The following NUP98 variants were observed in gnomAD, a reference collection of about 807,000 sequenced individuals.
NUP98 encodes nucleoporin 98 and 96 precursor, also known as nuclear pore complex protein Nup98-Nup96.
NUP98 carries 26 observed loss-of-function variants against 191.9 expected under a neutral mutation model. That is an observed-to-expected ratio of 0.14 (90% CI 0.10 to 0.19). The LOEUF (loss-of-function observed/expected upper bound fraction) is 0.19. Among genes scored for constraint, NUP98 ranks in the 10% least tolerant of loss-of-function variants. The probability of loss-of-function intolerance (pLI) is 1.00; values close to 1 mark genes in which losing one functional copy is unlikely to be tolerated. For missense variants in NUP98, 1,941 were observed against 2,178.8 expected, an observed-to-expected ratio of 0.89 and a Z score of 2.17; for synonymous variants, 808 against 778.4, an observed-to-expected ratio of 1.04 and a Z score of -0.63.
At chr11:3,736,218 C>T (rs2080055653) in intron 12 of NUP98, among the ~76,000 whole-genome samples, 1 of 152,144 alleles carries the variant, frequency 6.6e-6, no homozygotes, top group African/African-American at 2.4e-5. Flanking sequence ...AGGAGTCAGC[C>T]ACCATGCCTG....
At chr11:3,744,760 C>T in intron 11 of NUP98, 111 bp from the exon 12 acceptor site, 1 of 1,227,264 alleles carries the variant, frequency 8.1e-7, no homozygotes, top group South Asian at 1.6e-5. Context: ...AGTGACCACT[C>T]ATTTCAACAA....
rs201643505 is a variant in NUP98 at position 3,782,043 on chromosome 11, C to A, written c.75G>T (p.Gln25His). The change falls in exon 2 of 33, where the codon CAG (glutamine) becomes CAT (histidine). Residue 25 changes from glutamine to histidine, a missense_variant and splice_region_variant. By Grantham distance (24) the Gln-to-His change is conservative. This residue lies in a region of NUP98 where 154 missense variants were observed against 182.9 expected (regional missense o/e 0.84). Coordinates refer to ENST00000324932, the MANE Select transcript of NUP98 (RefSeq NM_016320.5). ...CTTTTGTCCTTTTTAAAAACTTACT[C>A]TGTCCAAATGTTGAAGTTGTGCCAA... ...GGFGTTSTFGQNTGFGTTSGG... is the reference protein window; with the variant it reads ...GGFGTTSTFGHNTGFGTTSGG... 3.1e-6 allele frequency: 5 copies of A among 1,609,888 alleles called. No homozygotes were observed. Among genetic ancestry groups the A allele is most frequent in the Non-Finnish European group, 4.2e-6 (5 of 1,177,464 alleles).
chr11:3,753,745 T>A (rs1380033660), intron 10 of NUP98, among the ~76,000 whole-genome samples: 2 of 48,046 alleles, frequency 4.2e-5, no homozygotes, highest in African/African-American at 1.6e-4. Context: ...ACCCCGTCTC[T>A]ATAAAAATAC....
intron 26 of NUP98, among the ~76,000 whole-genome samples, chr11:3,694,189 TG>T (rs1311503153): frequency 6.6e-6 from 1 of 151,010 alleles, no homozygotes; most frequent in African/African-American, 2.4e-5. Context: ...CTGGCCAACA[TG>T]GGGAAACCCG....
intron 11 of NUP98, among the ~76,000 whole-genome samples, chr11:3,749,089 A>AC (rs1393927351): frequency 6.9e-6 from 1 of 144,476 alleles, no homozygotes; most frequent in Non-Finnish European, 1.5e-5. Flanking sequence ...CGGGTGGATC[A>AC]TGAGGTCAGG....
intron 5 of NUP98, among the ~76,000 whole-genome samples, chr11:3,774,786 G>A (rs1034916323): frequency 2.0e-5 from 3 of 151,874 alleles, no homozygotes; most frequent in Admixed American, 1.3e-4. Flanking sequence ...TAAAACTAAC[G>A]ATTCCTGCTG....
At chr11:3,695,884 A>C (rs2078488676) in intron 25 of NUP98, among the ~76,000 whole-genome samples, 1 of 152,106 alleles carries the variant, frequency 6.6e-6, no homozygotes, top group African/African-American at 2.4e-5. Context: ...TAGGCAAGAC[A>C]CCTCAGCTAC....
At chr11:3,732,523 C>T (rs1185444673) in intron 13 of NUP98, among the ~76,000 whole-genome samples, 1 of 152,146 alleles carries the variant, frequency 6.6e-6, no homozygotes, top group Admixed American at 6.5e-5. Flanking sequence ...CTATGTAATG[C>T]AAGTTGCTCT....
At chr11:3,788,663 A>T (rs1292675796) in intron 1 of NUP98, among the ~76,000 whole-genome samples, 1 of 152,066 alleles carries the variant, frequency 6.6e-6, no homozygotes, top group Non-Finnish European at 1.5e-5. Context: ...TCACTGTATA[A>T]GGCTGGGCAC....
chr11:3,741,896 A>T (rs775183922), intron 12 of NUP98, among the ~76,000 whole-genome samples: 12 of 152,200 alleles, frequency 7.9e-5, no homozygotes, highest in Admixed American at 7.9e-4. Flanking sequence ...CCTAATATTA[A>T]ATTGTGTGGA....
rs761739739 is a variant in NUP98 at position 3,676,365 on chromosome 11, G to A, written c.5197C>T (p.Arg1733Cys). Residue 1733 changes from arginine to cysteine, a missense_variant, in exon 33 of 33, where the codon CGT becomes TGT. By Grantham distance (180) the Arg-to-Cys change is radical (BLOSUM62 -3). Transcript: ENST00000324932. ...DRLAQSDMAK[R>C]VANLLRVVLS... Reference sequence around the variant, plus strand: ...ACCACGCGCAGCAGGTTGGCTACACGTTTGGCCATGTCTAGAGAGAAAAAC... The same window carrying A: ...ACCACGCGCAGCAGGTTGGCTACACATTTGGCCATGTCTAGAGAGAAAAAC... The A allele has an allele frequency of 5.0e-5, 80 of 1,613,878 alleles. No homozygotes were observed. In the South Asian group the frequency reaches 5.8e-4, roughly 12 times the overall value.
rs113164034 is a variant in NUP98 at position 3,683,475 on chromosome 11, C to A, written c.4677-34G>T. The A allele has an allele frequency of 5.6e-4, 909 of 1,609,808 alleles. 6 individuals carry two copies. In the African/African-American group the frequency reaches 0.011, roughly 20 times the overall value. On this transcript the variant is annotated intron_variant, in intron 29 of 32. Transcript: ENST00000324932. ...AGAGATAAGCTAGAATAAATCCCAT[C>A]CTCATTCATGGAGAAGGCTGCCCCA...
At chr11:3,694,148 G>C (rs993914424) in intron 26 of NUP98, among the ~76,000 whole-genome samples, 3 of 151,882 alleles carry the variant, frequency 2.0e-5, no homozygotes, top group Admixed American at 2.0e-4. Flanking sequence ...GAGGTGGGTG[G>C]ATCACCTGAG....
intron 1 of NUP98, among the ~76,000 whole-genome samples, chr11:3,793,278 G>C (rs1490526972): frequency 1.3e-5 from 2 of 152,082 alleles, no homozygotes; most frequent in Non-Finnish European, 2.9e-5. Context: ...AGAATGCAAA[G>C]ACTGGTACAT....
At chr11:3,734,903 T>G (rs1427607147) in intron 13 of NUP98, among the ~76,000 whole-genome samples, 3 of 152,076 alleles carry the variant, frequency 2.0e-5, no homozygotes. Flanking sequence ...GAAAAAAACT[T>G]AAAAAAAGTT....
intron 20 of NUP98, among the ~76,000 whole-genome samples, chr11:3,710,186 C>T (rs2078991653): frequency 6.6e-6 from 1 of 152,126 alleles, no homozygotes; most frequent in Admixed American, 6.6e-5. Flanking sequence ...CTTACCAGGG[C>T]ATTGATGCAG....
chr11:3,737,460 C>T (rs2080111185), intron 12 of NUP98, among the ~76,000 whole-genome samples: 1 of 151,904 alleles, frequency 6.6e-6, no homozygotes, highest in African/African-American at 2.4e-5. Flanking sequence ...CCTGTCTCTA[C>T]TAACAAAATA....
intron 7 of NUP98, 63 bp downstream of exon 7, chr11:3,771,685 T>A: frequency 1.4e-6 from 2 of 1,451,998 alleles, no homozygotes; most frequent in Non-Finnish European, 1.9e-6. Flanking sequence ...AAATGGCAAT[T>A]ATGTTTTAGT....
rs1004583061 is a variant in NUP98, at chr11:3,702,872, T to C, written c.3103A>G (p.Lys1035Glu). The change falls in exon 23 of 33, where the codon AAA becomes GAA. Residue 1035 changes from lysine (K) to glutamate (E), a missense_variant. By Grantham distance (56) the Lys-to-Glu change is moderately conservative. Transcript: ENST00000324932. ...RSLVGGLLQS[K>E]FTSGAFLSPS... ...GAAAGAAAAGCTCCACTTGTAAATT[T>C]TGATTGTAGTAACCCACCAACTGAA... The C allele has an allele frequency of 7.4e-6, 12 of 1,611,398 alleles. No individual in the cohort carries two copies. Among genetic ancestry groups the C allele is most frequent in the Admixed American group, 6.7e-5 (4 of 59,818 alleles).
Sources: allele counts gnomAD v4.1 joint callset (sites outside exome capture counted in the v4.1 genomes callset), GRCh38; gene constraint gnomAD v4.1.1; regional missense constraint gnomAD v4.1.1; transcripts MANE v1.5; gene names NCBI Gene and HGNC (gene_info 2026-07-23, HGNC 2026-07-21).